The following NEK3 variants were observed in gnomAD, a reference collection of about 807,000 sequenced individuals.
NEK3 encodes serine/threonine-protein kinase Nek3.
Under a neutral mutation model 66.0 loss-of-function variants are expected in NEK3, and 54 were observed. The observed-to-expected ratio is 0.82, with a 90% CI of 0.66 to 1.03. The LOEUF is 1.03. Among genes scored for constraint, NEK3 ranks in the 50% least tolerant of loss-of-function variants. The pLI, the probability that NEK3 is intolerant of heterozygous loss-of-function variation, is 0.00. For missense variants in NEK3, 593 were observed against 603.0 expected (o/e 0.98, Z 0.17); for synonymous variants, 200 against 206.2 (o/e 0.97, Z 0.26).
Position 52,135,836 on chromosome 13 carries a change from T to G in NEK3, c.1202A>C (p.Asn401Thr). ...RGGSVIKYSK[N>T]TTRKQWLKET... ...TTTGAGCCACTGCTTACGAGTAGTA[T>G]TTTTGCTGTACTTTATTACAGAACC... Residue 401 changes from asparagine to threonine, a missense_variant, in exon 14 of 16, where the codon AAT (asparagine) becomes ACT (threonine). Transcript: ENST00000610828. 1 of 1,613,362 alleles carries G rather than the reference T, an allele frequency of 6.2e-7. No individual in the cohort carries two copies. Among genetic ancestry groups the G allele is most frequent in the Non-Finnish European group, 8.5e-7 (1 of 1,179,624 alleles).
intron 11 of NEK3, among the ~76,000 whole-genome samples, chr13:52,140,347 G>A (rs1434042082): frequency 6.6e-6 from 1 of 151,872 alleles, no homozygotes; most frequent in Non-Finnish European, 1.5e-5. Context: ...GGTGGCTCAC[G>A]CCTGTAATCC....
intron 11 of NEK3, among the ~76,000 whole-genome samples, chr13:52,137,523 A>G (rs1956215618): frequency 6.6e-6 from 1 of 152,200 alleles, no homozygotes; most frequent in African/African-American, 2.4e-5. Flanking sequence ...CTTGGGTGGC[A>G]TGGCGGGTTT....
At chr13:52,133,597 A>G in intron 15 of NEK3, 92 bp downstream of exon 15, 1 of 1,439,312 alleles carries the variant, frequency 6.9e-7, no homozygotes, top group Non-Finnish European at 9.2e-7. Flanking sequence ...ATCTGAAATT[A>G]TCATGGTCTA....
rs775753199 is a variant in NEK3 at position 52,144,802 on chromosome 13, C to T, written c.693G>A (p.Gln231=). 2.5e-5 allele frequency: 41 copies of T among 1,613,564 alleles called. No individual in the cohort carries two copies. The highest frequency in any genetic ancestry group is 3.3e-5 in the Non-Finnish European group (39 of 1,179,718). ...PLPSHYSYEL[Q]FLVKQMFKRN... ...TTTTAAACATCTGCTTGACTAGGAA[C>T]TGAAGTTCATAGGAGTAATGAGACG... The change falls in exon 9 of 16, where the codon CAG becomes CAA. Residue 231 remains glutamine (Q), a synonymous_variant. Transcript: ENST00000610828.
At chr13:52,141,505 A>C (rs1394928175) in intron 10 of NEK3, among the ~76,000 whole-genome samples, 1 of 152,174 alleles carries the variant, frequency 6.6e-6, no homozygotes, top group Non-Finnish European at 1.5e-5. Flanking sequence ...CAGCAGGAGG[A>C]GTCAGGAGAG....
At chr13:52,133,945 C>T in intron 14 of NEK3, 130 bp from the exon 15 acceptor site, 4 of 869,546 alleles carry the variant, frequency 4.6e-6, no homozygotes. Context: ...TTTGTAGTGT[C>T]TCCCCACATT....
At chr13:52,139,411 GGGGCT>G (rs1439374988) in intron 11 of NEK3, among the ~76,000 whole-genome samples, 2 of 152,200 alleles carry the variant, frequency 1.3e-5, no homozygotes, top group African/African-American at 4.8e-5. Context: ...GAGGCTGCCA[GGGGCT>G]GCAGTGGTGG....
chr13:52,142,961 T>A (rs1000559435), intron 10 of NEK3, among the ~76,000 whole-genome samples: 10 of 152,246 alleles, frequency 6.6e-5, no homozygotes, highest in African/African-American at 2.4e-4. Context: ...GCTATAGATG[T>A]ATGAAAATTT....
intron 1 of NEK3, among the ~76,000 whole-genome samples, chr13:52,158,937 AG>A (rs1235212698): frequency 6.6e-6 from 1 of 152,084 alleles, no homozygotes; most frequent in East Asian, 1.9e-4. Context: ...TAACTGGGAG[AG>A]GGATTTCGTG....
intron 8 of NEK3, among the ~76,000 whole-genome samples, chr13:52,147,602 G>C (rs1308053470): frequency 6.6e-6 from 1 of 152,168 alleles, no homozygotes; most frequent in Admixed American, 6.6e-5. Context: ...TTGGGACTGG[G>C]GAAAGGGAAG....
At chr13:52,153,372 T>C (rs1350546339) in intron 4 of NEK3, among the ~76,000 whole-genome samples, 2 of 152,120 alleles carry the variant, frequency 1.3e-5, no homozygotes, top group South Asian at 2.1e-4. Flanking sequence ...CTAAGCCTCA[T>C]TGGAGCAATT....
chr13:52,135,825 TAC>T lies in NEK3; in HGVS notation c.1211_1212del (p.Arg404GlnfsTer9). The T allele has an allele frequency of 6.2e-7, 1 of 1,613,654 alleles. No individual in the cohort carries two copies. Among genetic ancestry groups the T allele is most frequent in the Non-Finnish European group, 8.5e-7 (1 of 1,179,680 alleles). Reference sequence around the variant, plus strand: ...TCAGGGGTCTCTTTGAGCCACTGCTTACGAGTAGTATTTTTGCTGTACTTTAT... The same window carrying T: ...TCAGGGGTCTCTTTGAGCCACTGCTTGAGTAGTATTTTTGCTGTACTTTAT... ...SVIKYSKNTT[R>X]KQWLKETPDT... On this transcript the variant is annotated frameshift_variant, in exon 14 of 16. Transcript: ENST00000610828. LOFTEE classifies it high-confidence loss of function.
chr13:52,156,011 A>C, intron 2 of NEK3, 64 bp downstream of exon 2: 1 of 1,147,652 alleles, frequency 8.7e-7, no homozygotes, highest in Non-Finnish European at 1.2e-6. Flanking sequence ...CCTGGCCAAA[A>C]ACTTATTCTT....
chr13:52,159,009 G>A (rs1288290110), intron 1 of NEK3, among the ~76,000 whole-genome samples: 1 of 152,094 alleles, frequency 6.6e-6, no homozygotes, highest in Non-Finnish European at 1.5e-5. Context: ...AAGCCGCCCC[G>A]AGTTTCAGAA....
chr13:52,157,319 G>A (rs1291861039), intron 1 of NEK3: 1 of 152,150 alleles, frequency 6.6e-6, no homozygotes, highest in African/African-American at 2.4e-5. Flanking sequence ...ATAGAGTGGA[G>A]GCAATGGGGT....
rs900048335 is a variant in NEK3, at chr13:52,144,042, C to G, written c.805-55G>C. On this transcript the variant is annotated intron_variant, in intron 9 of 15. Transcript: ENST00000610828. ...GTGAAAACATACTTTTCTATAGATACTGCCGTGATGTCATTTCATCATCAG... is the reference window on the plus strand; with the variant it reads ...GTGAAAACATACTTTTCTATAGATAGTGCCGTGATGTCATTTCATCATCAG... The G allele has an allele frequency of 1.1e-5, 10 of 933,470 alleles. No homozygotes were observed. In the African/African-American group the frequency reaches 1.5e-4, roughly 14 times the overall value. 57.8% of individuals were successfully genotyped at this position (933,470 alleles called of 1,614,324 possible). A position where few individuals can be genotyped will look rare whatever the true frequency, so the allele number is the denominator to read the frequency against.
At chr13:52,139,452 A>G (rs1028351019) in intron 11 of NEK3, among the ~76,000 whole-genome samples, 3 of 152,212 alleles carry the variant, frequency 2.0e-5, no homozygotes, top group African/African-American at 7.2e-5. Context: ...CTTAACAGGT[A>G]CAGAGTTTCT....
At chr13:52,144,388 C>T (rs138181606) in intron 9 of NEK3, among the ~76,000 whole-genome samples, 507 of 152,230 alleles carry the variant, frequency 3.3e-3, no homozygotes, top group Middle Eastern at 0.01. Flanking sequence ...TGCACTCCAG[C>T]CTGGGCGACA....
intron 14 of NEK3, among the ~76,000 whole-genome samples, chr13:52,134,289 T>G (rs1956183519): frequency 6.6e-6 from 1 of 151,920 alleles, no homozygotes. Context: ...CCTCCCAGAG[T>G]GCTGGGATTA....
Sources: allele counts gnomAD v4.1 joint callset (sites outside exome capture counted in the v4.1 genomes callset), GRCh38; gene constraint gnomAD v4.1.1; transcripts MANE v1.5; gene names NCBI Gene and HGNC (gene_info 2026-07-23, HGNC 2026-07-21).